FBXO25: variants seen among roughly 807,000 people sequenced by gnomAD.
FBXO25 encodes F-box protein 25.
FBXO25 carries 45 observed loss-of-function variants against 51.9 expected under a neutral mutation model. The observed-to-expected ratio is 0.87, with a 90% CI of 0.68 to 1.11. The LOEUF is 1.11. Ranked by LOEUF, FBXO25 falls within the 50% of genes most tolerant of loss-of-function variation. The probability of loss-of-function intolerance (pLI) is 0.00; values close to 1 mark genes in which losing one functional copy is unlikely to be tolerated. For missense variants in FBXO25, 507 were observed against 428.5 expected (o/e 1.18, Z -1.62); for synonymous variants, 199 against 151.0 (o/e 1.32, Z -2.33).
At chr8:462,438 C>T (rs1265274402) in intron 8 of FBXO25, among the ~76,000 whole-genome samples, 1 of 152,098 alleles carries the variant, frequency 6.6e-6, no homozygotes, top group Non-Finnish European at 1.5e-5. Context: ...ACATTATGGA[C>T]ATTATTCTGG....
intron 2 of FBXO25, among the ~76,000 whole-genome samples, chr8:417,525 G>A (rs1585007715): frequency 6.6e-6 from 1 of 152,238 alleles, no homozygotes; most frequent in Admixed American, 6.5e-5. Context: ...GGCCTGAGCA[G>A]CTAGAAGGTA....
chr8:447,028 C>G (rs4045408), intron 5 of FBXO25, among the ~76,000 whole-genome samples: 1 of 152,176 alleles, frequency 6.6e-6, no homozygotes, highest in African/African-American at 2.4e-5. Flanking sequence ...GGCAGTGATA[C>G]TATAGGCGGA....
chr8:469,979 G>A lies in FBXO25; in HGVS notation c.*1175G>A, dbSNP rs1489669607. On this transcript the variant is annotated 3_prime_UTR_variant, in exon 10 of 10. Transcript: ENST00000350302. ...GTCAAATTATAGTTTCTCCTGAGGC[G>A]ATGCAAATACCTGGGGCCTCTGCGA... 2.6e-5 allele frequency: 4 copies of A among 152,152 alleles called. No homozygotes were observed. Among genetic ancestry groups the A allele is most frequent in the Non-Finnish European group, 4.4e-5 (3 of 68,028 alleles). 9.4% of individuals were successfully genotyped at this position (152,152 alleles called of 1,614,324 possible).
At chr8:450,899 T>G (rs1334506569) in intron 6 of FBXO25, 2 of 200,422 alleles carry the variant, frequency 1.0e-5, no homozygotes, top group Non-Finnish European at 2.0e-5. Flanking sequence ...TCATACCACC[T>G]TAAACACTGA....
rs144513526 is a variant in FBXO25 at position 413,726 on chromosome 8, C to T, written c.134+513C>T. Among the ~76,000 whole-genome samples, 857 of 152,260 alleles carry T rather than the reference C, an allele frequency of 5.6e-3. 6 individuals are homozygous for T. Among genetic ancestry groups the T allele is most frequent in the Non-Finnish European group, 9.1e-3 (620 of 68,030 alleles). ...TTACCTGCTACATTTGCGCTCAGGC[C>T]GAAGGGTAGGTGGGGTTGGTGAGAC... is the stretch of plus-strand genomic sequence containing the variant. On this transcript the variant is annotated intron_variant, in intron 2 of 9. Transcript: ENST00000350302.
chr8:435,371 T>C, intron 4 of FBXO25: 2 of 509,962 alleles, frequency 3.9e-6, no homozygotes, highest in South Asian at 5.9e-5. Context: ...AATATTTGTC[T>C]TTGTCATTAC....
intron 9 of FBXO25, among the ~76,000 whole-genome samples, chr8:466,815 GAGTTA>G (rs1800190633): frequency 6.6e-6 from 1 of 152,172 alleles, no homozygotes; most frequent in South Asian, 2.1e-4. Flanking sequence ...TAACTGGGCT[GAGTTA>G]AGCTCTGGAG....
At chr8:450,356 G>A (rs895425048) in intron 6 of FBXO25, among the ~76,000 whole-genome samples, 1 of 152,110 alleles carries the variant, frequency 6.6e-6, no homozygotes, top group East Asian at 1.9e-4. Flanking sequence ...CTTTTTCATG[G>A]TTAGCTAATC....
intron 1 of FBXO25, among the ~76,000 whole-genome samples, chr8:407,686 C>T (rs929808215): frequency 1.4e-4 from 22 of 152,186 alleles, no homozygotes; most frequent in African/African-American, 5.3e-4. Flanking sequence ...TGGGCACCTG[C>T]TAGGTGTGAC....
At chr8:429,609 C>G (rs879707352) in intron 2 of FBXO25, among the ~76,000 whole-genome samples, 1 of 152,220 alleles carries the variant, frequency 6.6e-6, no homozygotes, top group Non-Finnish European at 1.5e-5. Context: ...TCTTTCTTCT[C>G]TACTTGTACA....
At chr8:423,814 T>C (rs1371886709) in intron 2 of FBXO25, among the ~76,000 whole-genome samples, 2 of 152,222 alleles carry the variant, frequency 1.3e-5, no homozygotes, top group Non-Finnish European at 2.9e-5. Flanking sequence ...TACCCAGTAA[T>C]GGGGTTGCTG....
At chr8:458,341 G>GTGAGTTGCTGTTGTGT in intron 7 of FBXO25, 28 bp from the exon 8 acceptor site, 1 of 1,604,506 alleles carries the variant, frequency 6.2e-7, no homozygotes, top group Non-Finnish European at 8.5e-7. Context: ...CATCTTCTCA[G>GTGAGTTGCTGTTGTGT]TGAGTTGCTG....
At chr8:460,005 A>G (rs1267552805) in intron 8 of FBXO25, among the ~76,000 whole-genome samples, 1 of 152,006 alleles carries the variant, frequency 6.6e-6, no homozygotes, top group Non-Finnish European at 1.5e-5. Context: ...AGAACAGTAG[A>G]TTGAATTTTA....
chr8:457,529 A>G (rs1402891472), intron 7 of FBXO25, among the ~76,000 whole-genome samples: 1 of 152,202 alleles, frequency 6.6e-6, no homozygotes, highest in Non-Finnish European at 1.5e-5. Flanking sequence ...ATAGAAATGT[A>G]AAGCTGGAAG....
chr8:468,013 C>G (rs1322723514), intron 9 of FBXO25: 3 of 1,313,428 alleles, frequency 2.3e-6, no homozygotes, highest in South Asian at 3.5e-5. Context: ...CCACACAGCA[C>G]CTGGTTTGGC....
At chr8:446,121 C>T (rs1249200408) in intron 5 of FBXO25, among the ~76,000 whole-genome samples, 1 of 152,074 alleles carries the variant, frequency 6.6e-6, no homozygotes, top group East Asian at 1.9e-4. Context: ...CTCTGGAGCA[C>T]TTCACTGCAC....
Position 476,021 on chromosome 8 carries a change from A to G in FBXO25, c.*7217A>G, listed in dbSNP as rs1197977122. On this transcript the variant is annotated 3_prime_UTR_variant, in exon 10 of 10. Transcript: ENST00000350302. ...ATGATGTTTACAGTGGGATGTTCAT[A>G]TGGCCTCTATTTTAGGTTGTTTCCT... is the stretch of plus-strand genomic sequence containing the variant. 3 of 152,148 alleles carry G rather than the reference A, an allele frequency of 2.0e-5. No individual in the cohort carries two copies. Among genetic ancestry groups the G allele is most frequent in the Non-Finnish European group, 4.4e-5 (3 of 68,018 alleles). 9.4% of individuals were successfully genotyped at this position (152,148 alleles called of 1,614,324 possible).
chr8:434,652 A>G lies in FBXO25; in HGVS notation c.289-963A>G, dbSNP rs563691052. Among the ~76,000 whole-genome samples the G allele has an allele frequency of 5.0e-4, 76 of 152,230 alleles. 1 individual carries two copies. The highest frequency in any genetic ancestry group is 9.6e-4 in the African/African-American group (40 of 41,526). On this transcript the variant is annotated intron_variant, in intron 4 of 9. Transcript: ENST00000350302. ...GTCACCTGTTTGGAATTTGAGACCA[A>G]TCATCTCATGTTTTCTATTATTTTT...
intron 2 of FBXO25, among the ~76,000 whole-genome samples, chr8:414,694 C>T (rs770113336): frequency 9.2e-5 from 14 of 152,168 alleles, no homozygotes; most frequent in South Asian, 8.3e-4. Flanking sequence ...CTTTCCCCTT[C>T]GCCCAAACTT....
Sources: allele counts gnomAD v4.1 joint callset (sites outside exome capture counted in the v4.1 genomes callset), GRCh38; gene constraint gnomAD v4.1.1; transcripts MANE v1.5; gene names NCBI Gene and HGNC (gene_info 2026-07-23, HGNC 2026-07-21).